Variants in ATXN1 observed in about 807,000 individuals in gnomAD.
ATXN1 encodes the protein ataxin 1, also known as ataxin-1.
ATXN1 carries 8 observed loss-of-function variants against 56.4 expected under a neutral mutation model. The ratio of observed to expected loss-of-function variants is 0.14; its 90% CI spans 0.08 to 0.26. The LOEUF (loss-of-function observed/expected upper bound fraction) is 0.26. Among genes scored for constraint, ATXN1 ranks in the 10% least tolerant of loss-of-function variants. ATXN1 has a pLI of 1.00. For synonymous variants in ATXN1, 514 were observed against 494.6 expected (o/e 1.04, Z -0.52); for missense variants, 987 against 1,106.5 (o/e 0.89, Z 1.53).
chr6:16,576,477 A>C (rs1762424093), intron 4 of ATXN1, among the ~76,000 whole-genome samples: 1 of 152,252 alleles, frequency 6.6e-6, no homozygotes, highest in South Asian at 2.1e-4. Context: ...ACAATAGAGA[A>C]TCTGTATTCA....
At chr6:16,689,735 CACAT>C (rs1759004310) in intron 2 of ATXN1, among the ~76,000 whole-genome samples, 1 of 152,018 alleles carries the variant, frequency 6.6e-6, no homozygotes, top group African/African-American at 2.4e-5. Flanking sequence ...TCCATCACCT[CACAT>C]ACTTATTTTT....
At chr6:16,596,010 A>AT (rs1762809223) in intron 3 of ATXN1, among the ~76,000 whole-genome samples, 5 of 151,266 alleles carry the variant, frequency 3.3e-5, no homozygotes, top group Admixed American at 3.3e-4. Flanking sequence ...TTGTTTTTTT[A>AT]TTTTTCAGAG....
intron 6 of ATXN1, among the ~76,000 whole-genome samples, chr6:16,452,062 C>T (rs1221995334): frequency 2.6e-5 from 4 of 152,122 alleles, no homozygotes; most frequent in Non-Finnish European, 4.4e-5. Context: ...CTATAACACA[C>T]GAGGTTGTAA....
intron 2 of ATXN1, among the ~76,000 whole-genome samples, chr6:16,672,503 T>C (rs1284371368): frequency 6.6e-6 from 1 of 152,120 alleles, no homozygotes; most frequent in African/African-American, 2.4e-5. Flanking sequence ...GAATTCGTGG[T>C]AAAAGCGATT....
intron 6 of ATXN1, among the ~76,000 whole-genome samples, chr6:16,430,888 G>T (rs1004011921): frequency 4.6e-5 from 7 of 152,144 alleles, no homozygotes; most frequent in Non-Finnish European, 8.8e-5. Flanking sequence ...ATTATCAAAA[G>T]CCTCTCTAAA....
intron 4 of ATXN1, among the ~76,000 whole-genome samples, chr6:16,550,591 C>T (rs1239839895): frequency 6.6e-6 from 1 of 152,138 alleles, no homozygotes; most frequent in Non-Finnish European, 1.5e-5. Context: ...CTTAACAACC[C>T]TAATAAATAG....
chr6:16,399,850 G>A (rs1338884819), intron 6 of ATXN1, among the ~76,000 whole-genome samples: 2 of 152,186 alleles, frequency 1.3e-5, no homozygotes, highest in Non-Finnish European at 2.9e-5. Context: ...GAGATTCCCT[G>A]CTCTAAAGGG....
chr6:16,663,646 T>TTTTATTTA (rs34453220), intron 2 of ATXN1, among the ~76,000 whole-genome samples: 4 of 150,458 alleles, frequency 2.7e-5, no homozygotes, highest in Middle Eastern at 3.2e-3. Context: ...TTTTTTAATT[T>TTTTATTTA]TTTATTTATT....
intron 6 of ATXN1, among the ~76,000 whole-genome samples, chr6:16,341,611 C>T (rs112876660): frequency 0.035 from 5,234 of 150,914 alleles, 209 homozygotes; most frequent in African/African-American, 0.1. Flanking sequence ...CTCCACCTCC[C>T]GGGTTCACAC....
chr6:16,589,280 C>G (rs1762681337), intron 3 of ATXN1, among the ~76,000 whole-genome samples: 1 of 152,126 alleles, frequency 6.6e-6, no homozygotes, highest in South Asian at 2.1e-4. Context: ...CCACCACAAC[C>G]TAAGTCCCTT....
chr6:16,695,976 T>C (rs985827897), intron 2 of ATXN1, among the ~76,000 whole-genome samples: 1 of 151,854 alleles, frequency 6.6e-6, no homozygotes, highest in Non-Finnish European at 1.5e-5. Context: ...TCTCTATATA[T>C]ACAAATAAAT....
intron 6 of ATXN1, among the ~76,000 whole-genome samples, chr6:16,435,684 CA>C (rs1676387423): frequency 6.6e-6 from 1 of 152,024 alleles, no homozygotes; most frequent in Admixed American, 6.5e-5. Flanking sequence ...GGAAAAAGAG[CA>C]AGCTGAAGCC....
At chr6:16,456,553 G>A (rs938927792) in intron 6 of ATXN1, among the ~76,000 whole-genome samples, 10 of 152,128 alleles carry the variant, frequency 6.6e-5, no homozygotes, top group African/African-American at 1.9e-4. Flanking sequence ...ATTCAGCTCC[G>A]GGGTCTCAAC....
intron 6 of ATXN1, among the ~76,000 whole-genome samples, chr6:16,458,611 C>T (rs1288423387): frequency 6.6e-6 from 1 of 152,110 alleles, no homozygotes; most frequent in Admixed American, 6.5e-5. Flanking sequence ...AGAGAAAGGC[C>T]GCAGCCTCAG....
At chr6:16,594,115 CTAAT>C (rs946876504) in intron 3 of ATXN1, among the ~76,000 whole-genome samples, 4 of 147,860 alleles carry the variant, frequency 2.7e-5, no homozygotes, top group South Asian at 2.1e-4. Flanking sequence ...ATATATTAGT[CTAAT>C]TAATATATAT....
chr6:16,654,559 AAAAAAAAG>A (rs1474645364), intron 3 of ATXN1, among the ~76,000 whole-genome samples: 10 of 92,390 alleles, frequency 1.1e-4, no homozygotes, highest in Admixed American at 3.4e-4. Flanking sequence ...AAAAAAAAAA[AAAAAAAAG>A]AGAGAGAGAG....
intron 6 of ATXN1, among the ~76,000 whole-genome samples, chr6:16,466,157 A>C (rs1048389702): frequency 6.6e-6 from 1 of 151,854 alleles, no homozygotes; most frequent in African/African-American, 2.4e-5. Context: ...TCTACTAAAA[A>C]TACAAAAATT....
At chr6:16,752,460 T>C (rs1760752986) in intron 2 of ATXN1, among the ~76,000 whole-genome samples, 2 of 152,134 alleles carry the variant, frequency 1.3e-5, no homozygotes, top group African/African-American at 2.4e-5. Flanking sequence ...CTAGCCAGGC[T>C]TGGGAACCTC....
chr6:16,541,483 G>GC (rs1761712482), intron 4 of ATXN1, among the ~76,000 whole-genome samples: 1 of 152,260 alleles, frequency 6.6e-6, no homozygotes, highest in East Asian at 1.9e-4. Flanking sequence ...TGGAAACAGG[G>GC]CAACCTCTGG....
Sources: gnomAD v4.1 joint callset for allele counts (sites outside exome capture counted in the v4.1 genomes callset) on GRCh38, gnomAD v4.1.1 for gene constraint, MANE v1.5 for transcripts, NCBI Gene and HGNC (gene_info 2026-07-23, HGNC 2026-07-21) for gene names.